Variants in XYLT1 observed in about 807,000 individuals in gnomAD.
XYLT1 encodes the protein beta-D-xylosyltransferase 1.
A neutral mutation model predicts 91.3 loss-of-function variants in XYLT1; 36 were observed. That is an observed-to-expected ratio of 0.39 (90% CI 0.30 to 0.52). XYLT1 has a LOEUF of 0.52. XYLT1 is among the 20% of genes least tolerant of loss of function. The pLI, the probability that XYLT1 is intolerant of heterozygous loss-of-function variation, is 0.68. For missense variants in XYLT1, 1,242 were observed against 1,284.5 expected (o/e 0.97, Z 0.51); for synonymous variants, 588 against 532.0 (o/e 1.11, Z -1.45).
At chr16:17,199,232 C>T (rs188039921) in intron 4 of XYLT1, among the ~76,000 whole-genome samples, 3 of 152,306 alleles carry the variant, frequency 2.0e-5, no homozygotes, top group Admixed American at 2.0e-4. Flanking sequence ...AAGACTTCCC[C>T]CTTTGCCTTC....
At chr16:17,365,929 A>C (rs1331014106) in intron 1 of XYLT1, among the ~76,000 whole-genome samples, 1 of 152,238 alleles carries the variant, frequency 6.6e-6, no homozygotes, top group African/African-American at 2.4e-5. Context: ...TTCTTTAAAA[A>C]GTACACAGAA....
Position 17,262,875 on chromosome 16 carries a change from G to A in XYLT1, c.403-3377C>T, listed in dbSNP as rs771765149. ...GTCTAACTCATCCCGATTAATCCAG[G>A]AGCTAACCTGATCTCCTTTCTTCCT... On this transcript the variant is annotated intron_variant, in intron 2 of 11. Coordinates refer to ENST00000261381, the MANE Select transcript of XYLT1 (RefSeq NM_022166.4). Among the ~76,000 whole-genome samples the A allele has an allele frequency of 1.8e-3, 280 of 152,108 alleles. 4 individuals are homozygous for A. The highest frequency in any genetic ancestry group is 1.8e-3 in the Admixed American group (28 of 15,270).
At chr16:17,225,615 A>C (rs536548429) in intron 3 of XYLT1, among the ~76,000 whole-genome samples, 2 of 152,266 alleles carry the variant, frequency 1.3e-5, no homozygotes, top group South Asian at 2.1e-4. Flanking sequence ...GAAAAAAAAA[A>C]AACCCAATTT....
At chr16:17,114,552 G>A (rs560891899) in intron 11 of XYLT1, among the ~76,000 whole-genome samples, 9 of 152,298 alleles carry the variant, frequency 5.9e-5, no homozygotes, top group African/African-American at 1.7e-4. Flanking sequence ...GGCAGTGTGA[G>A]AGCAGAGGAA....
intron 2 of XYLT1, among the ~76,000 whole-genome samples, chr16:17,299,227 C>T (rs1388224972): frequency 6.6e-6 from 1 of 152,120 alleles, no homozygotes; most frequent in Non-Finnish European, 1.5e-5. Context: ...ACGTGGTTAA[C>T]CCACCACCAC....
chr16:17,134,637 A>G lies in XYLT1; in HGVS notation c.1863T>C (p.Pro621=). 2 of 1,614,194 alleles carry G rather than the reference A, an allele frequency of 1.2e-6. No individual in the cohort carries two copies. The highest frequency in any genetic ancestry group is 1.7e-6 in the Non-Finnish European group (2 of 1,180,032). The part of the protein sequence containing the change: ...QLDYYLYGNY[P]AGTPGLRSYW... Reference sequence around the variant, plus strand: ...AGGAGCGCAGGCCCGGGGTACCTGCAGGGTAGTTCCCGTACAGGTAATAGT... The same window carrying G: ...AGGAGCGCAGGCCCGGGGTACCTGCGGGGTAGTTCCCGTACAGGTAATAGT... Residue 621 remains proline (P), a synonymous_variant, in exon 9 of 12, where the codon CCT becomes CCC. Coordinates refer to ENST00000261381, the MANE Select transcript of XYLT1 (RefSeq NM_022166.4).
At chr16:17,222,037 C>T (rs1190669515) in intron 3 of XYLT1, among the ~76,000 whole-genome samples, 1 of 152,100 alleles carries the variant, frequency 6.6e-6, no homozygotes, top group Non-Finnish European at 1.5e-5. Context: ...GAGAGGACAG[C>T]GATTGGCATG....
At chr16:17,418,200 G>A (rs1301180924) in intron 1 of XYLT1, among the ~76,000 whole-genome samples, 1 of 152,192 alleles carries the variant, frequency 6.6e-6, no homozygotes, top group Non-Finnish European at 1.5e-5. Context: ...TCAGAACCCT[G>A]TAAGATCCAG....
chr16:17,401,368 A>C (rs532632870), intron 1 of XYLT1, among the ~76,000 whole-genome samples: 8 of 152,300 alleles, frequency 5.3e-5, no homozygotes, highest in African/African-American at 1.9e-4. Context: ...GCCTAAATTT[A>C]TACAGAGAGA....
chr16:17,232,299 T>A (rs2033171846), intron 3 of XYLT1, among the ~76,000 whole-genome samples: 1 of 144,042 alleles, frequency 6.9e-6, no homozygotes, highest in Admixed American at 7.1e-5. Context: ...AATATCTATA[T>A]CTATAATAGA....
At chr16:17,204,081 G>A (rs1221822606) in intron 3 of XYLT1, among the ~76,000 whole-genome samples, 1 of 152,208 alleles carries the variant, frequency 6.6e-6, no homozygotes, top group South Asian at 2.1e-4. Context: ...TGAGGACAGA[G>A]GTGGGAGGGG....
chr16:17,120,396 T>A (rs368124433), intron 10 of XYLT1, among the ~76,000 whole-genome samples: 2 of 151,966 alleles, frequency 1.3e-5, no homozygotes, highest in African/African-American at 4.8e-5. Context: ...CTCCCTCCCT[T>A]CCACTTGCTC....
chr16:17,222,253 G>A (rs998076502), intron 3 of XYLT1, among the ~76,000 whole-genome samples: 2 of 152,230 alleles, frequency 1.3e-5, no homozygotes. Context: ...TTCTTGACCA[G>A]GGACAATTTT....
chr16:17,384,319 C>T (rs1010267957), intron 1 of XYLT1, among the ~76,000 whole-genome samples: 5 of 151,586 alleles, frequency 3.3e-5, no homozygotes, highest in African/African-American at 9.7e-5. Context: ...TTAGTCCCAC[C>T]AAGTTCTGAG....
intron 5 of XYLT1, among the ~76,000 whole-genome samples, chr16:17,173,456 C>T (rs961501155): frequency 2.9e-4 from 44 of 152,254 alleles, no homozygotes; most frequent in Non-Finnish European, 5.9e-5. Flanking sequence ...TAGTCACATA[C>T]CATCCTTGCT....
intron 2 of XYLT1, among the ~76,000 whole-genome samples, chr16:17,316,860 C>T (rs189866277): frequency 0.011 from 1,633 of 148,006 alleles, 25 homozygotes; most frequent in African/African-American, 0.038. Context: ...CTCGCTCTGT[C>T]GCCCAGGCTG....
intron 1 of XYLT1, among the ~76,000 whole-genome samples, chr16:17,437,373 A>C (rs748709190): frequency 1.3e-5 from 2 of 152,154 alleles, no homozygotes; most frequent in Non-Finnish European, 2.9e-5. Context: ...CCACTTTTCA[A>C]ACCCGGCATC....
intron 2 of XYLT1, among the ~76,000 whole-genome samples, chr16:17,311,095 G>A (rs998751659): frequency 1.3e-5 from 2 of 152,132 alleles, no homozygotes; most frequent in African/African-American, 4.8e-5. Flanking sequence ...TTCAGCCCAG[G>A]ATAATCACCT....
At chr16:17,354,670 C>T (rs529911011) in intron 2 of XYLT1, 2 of 152,246 alleles carry the variant, frequency 1.3e-5, no homozygotes, top group African/African-American at 4.8e-5. Flanking sequence ...GGGAACTGAC[C>T]CAGGGCTCAG....
Sources: gnomAD v4.1 joint callset for allele counts (sites outside exome capture counted in the v4.1 genomes callset) on GRCh38, gnomAD v4.1.1 for gene constraint, MANE v1.5 for transcripts, NCBI Gene and HGNC (gene_info 2026-07-23, HGNC 2026-07-21) for gene names.